KIF1C: variants seen among roughly 807,000 people sequenced by gnomAD.
The protein encoded by KIF1C is kinesin-like protein KIF1C.
In KIF1C, 61 loss-of-function variants were observed where a neutral mutation model predicts 126.5. The ratio of observed to expected loss-of-function variants is 0.48; its 90% CI spans 0.39 to 0.60. The LOEUF (loss-of-function observed/expected upper bound fraction) is 0.60, where lower values mean the gene tolerates loss of function less well. Among genes scored for constraint, KIF1C ranks in the 20% least tolerant of loss-of-function variants. The pLI, the probability that KIF1C is intolerant of heterozygous loss-of-function variation, is 0.00. For missense variants in KIF1C, 1,315 were observed against 1,489.2 expected (o/e 0.88, Z 1.93); for synonymous variants, 640 against 580.6 (o/e 1.10, Z -1.47).
chr17:5,006,311 A>G (rs1450596278), intron 13 of KIF1C, among the ~76,000 whole-genome samples: 1 of 151,406 alleles, frequency 6.6e-6, no homozygotes, highest in African/African-American at 2.4e-5. Flanking sequence ...CTGGGATTAT[A>G]GGTATGAGCC....
Position 5,024,698 on chromosome 17 carries a change from CA to C in KIF1C, c.*548del, listed in dbSNP as rs1217745000. On this transcript the variant is annotated 3_prime_UTR_variant, in exon 23 of 23. Coordinates refer to ENST00000320785, the MANE Select transcript of KIF1C (RefSeq NM_006612.6). The stretch of plus-strand genomic sequence containing the variant: ...GGGCCCTTTAATAAAGGATAGCAAA[CA>C]GGGAGCTTGTGGCCTGTTTGTTTTG... The C allele has an allele frequency of 6.5e-6, 1 of 153,570 alleles. No homozygotes were observed. The highest frequency in any genetic ancestry group is 1.5e-5 in the Non-Finnish European group (1 of 68,720). 9.5% of individuals were successfully genotyped at this position (153,570 alleles called of 1,614,324 possible). A position where few individuals can be genotyped will look rare whatever the true frequency, so the allele number is the denominator to read the frequency against.
At chr17:5,004,450 C>A in intron 11 of KIF1C, 117 bp from the exon 12 acceptor site, 1 of 924,862 alleles carries the variant, frequency 1.1e-6, no homozygotes, top group Non-Finnish European at 1.7e-6. Flanking sequence ...ACTCCCCTAC[C>A]TCAGACCATG....
In KIF1C at chr17:5,022,061, C is replaced by G. The variant is rs752289584; in HGVS notation, c.2011-31C>G. On this transcript the variant is annotated intron_variant, in intron 21 of 22. Coordinates refer to ENST00000320785, the MANE Select transcript of KIF1C (RefSeq NM_006612.6). This position sits in a 1 kb window ranked among gnomAD's most constrained non-coding sequence, Gnocchi z 4.9. ...CACATGGGCTCTGGATGTCCTTAGC[C>G]CTCTCTTCCTCTTTCTTTCTCTGGC... 2 of 1,568,268 alleles carry G rather than the reference C, an allele frequency of 1.3e-6. No homozygotes were observed. Among genetic ancestry groups the G allele is most frequent in the Non-Finnish European group, 1.7e-6 (2 of 1,155,096 alleles).
chr17:5,003,586 C>G (rs1056601493), intron 8 of KIF1C, 26 bp from the exon 9 acceptor site: 2 of 1,577,514 alleles, frequency 1.3e-6, no homozygotes, highest in Non-Finnish European at 1.7e-6. Flanking sequence ...CGCACCTTAT[C>G]TCCTGCCTGT....
At chr17:5,002,931 C>T (rs2143314979) in intron 8 of KIF1C, 89 bp downstream of exon 8, 2 of 1,062,798 alleles carry the variant, frequency 1.9e-6, no homozygotes, top group East Asian at 2.5e-5. Flanking sequence ...CTTGGGCCCT[C>T]CCTGCCCATG....
chr17:4,998,248 G>A (rs2143292187), intron 1 of KIF1C, 92 bp downstream of exon 1: 1 of 152,672 alleles, frequency 6.5e-6, no homozygotes, highest in South Asian at 2.1e-4. Context: ...GCGCGATCTA[G>A]GCTCAAGAGT....
chr17:5,023,761 C>G lies in KIF1C; in HGVS notation c.2922C>G (p.Asp974Glu), dbSNP rs1975145327. 6.6e-7 allele frequency: 1 copy of G among 1,523,416 alleles called. No individual in the cohort carries two copies. Among genetic ancestry groups the G allele is most frequent in the African/African-American group, 1.4e-5 (1 of 71,800 alleles). The allele number at this position is 1,523,416 out of a possible 1,614,324, so 94.4% of individuals were successfully genotyped here. The change falls in exon 23 of 23, where the codon GAC (aspartate) becomes GAG (glutamate). Residue 974 changes from aspartate to glutamate, a missense_variant. Asp to Glu is a conservative substitution (Grantham distance 45, BLOSUM62 2). This residue lies in a region of KIF1C where 441 missense variants were observed against 436.1 expected (regional missense o/e 1.01). Transcript: ENST00000320785. This position sits in a 1 kb window ranked among gnomAD's most constrained non-coding sequence, Gnocchi z 4.2. Reference protein sequence around the residue: ...RPPARFVPPHDCKLRFPFKSN... With the variant: ...RPPARFVPPHECKLRFPFKSN... Reference sequence around the variant, plus strand: ...CAGCCCGCTTTGTGCCCCCTCACGACTGCAAGCTACGCTTCCCCTTCAAGA... The same window carrying G: ...CAGCCCGCTTTGTGCCCCCTCACGAGTGCAAGCTACGCTTCCCCTTCAAGA...
Position 5,020,414 on chromosome 17 carries a change from A to G in KIF1C, c.1751-78A>G, listed in dbSNP as rs1975063454. The G allele has an allele frequency of 2.1e-6, 3 of 1,413,950 alleles. No homozygotes were observed. The highest frequency in any genetic ancestry group is 2.9e-6 in the Non-Finnish European group (3 of 1,038,114). 87.6% of individuals were successfully genotyped at this position (1,413,950 alleles called of 1,614,324 possible). A position where few individuals can be genotyped will look rare whatever the true frequency, so the allele number is the denominator to read the frequency against. On this transcript the variant is annotated intron_variant, in intron 19 of 22. Transcript: ENST00000320785. The surrounding 1 kb of genome is among the most constrained non-coding windows in gnomAD (Gnocchi z 5.8). Reference sequence around the variant, plus strand: ...GAGGGTGTCACAGCCCCTGTGCCAGATTCTCTATGCCTTGGGTGTAGGGAT... The same window carrying G: ...GAGGGTGTCACAGCCCCTGTGCCAGGTTCTCTATGCCTTGGGTGTAGGGAT...
intron 18 of KIF1C, among the ~76,000 whole-genome samples, chr17:5,018,102 T>C (rs112564094): frequency 0.11 from 16,372 of 152,032 alleles, 983 homozygotes; most frequent in Middle Eastern, 0.15. Context: ...CACCTCAGCC[T>C]CCTGAGTAGC....
chr17:5,024,181 G>A lies in KIF1C; in HGVS notation c.*30G>A. On this transcript the variant is annotated 3_prime_UTR_variant, in exon 23 of 23. Coordinates refer to ENST00000320785, the MANE Select transcript of KIF1C (RefSeq NM_006612.6). ...CACATCCTGGGCAGAGGGCCTGGTG[G>A]GGCCCCTTGCTAGGAGAAGGGAAGA... is the stretch of plus-strand genomic sequence containing the variant. 1 of 1,520,186 alleles carries A rather than the reference G, an allele frequency of 6.6e-7. No homozygotes were observed. Among genetic ancestry groups the A allele is most frequent in the South Asian group, 1.2e-5 (1 of 83,082 alleles). The allele number at this position is 1,520,186 out of a possible 1,614,324, so 94.2% of individuals were successfully genotyped here.
At chr17:5,007,581 C>T in intron 16 of KIF1C, 39 bp downstream of exon 16, 2 of 1,491,158 alleles carry the variant, frequency 1.3e-6, no homozygotes, top group Non-Finnish European at 1.8e-6. Flanking sequence ...AGAGAGCTCT[C>T]TGGATGCCTA....
At chr17:5,000,890 A>AT (rs777493021) in intron 4 of KIF1C, 42 bp downstream of exon 4, 2 of 1,577,010 alleles carry the variant, frequency 1.3e-6, no homozygotes, top group East Asian at 4.5e-5. Context: ...AGTGAGAGAC[A>AT]GAGGATTTAG....
intron 13 of KIF1C, among the ~76,000 whole-genome samples, chr17:5,006,567 C>A (rs1222339234): frequency 2.0e-5 from 3 of 152,108 alleles, no homozygotes; most frequent in Non-Finnish European, 4.4e-5. Flanking sequence ...AACTCCTGAC[C>A]TCAGGTGATC....
intron 16 of KIF1C, among the ~76,000 whole-genome samples, chr17:5,007,902 G>C (rs1182164028): frequency 6.6e-6 from 1 of 152,222 alleles, no homozygotes; most frequent in Non-Finnish European, 1.5e-5. Flanking sequence ...CAAGACTAAA[G>C]GGAATAGAGG....
chr17:5,022,473 G>T lies in KIF1C; in HGVS notation c.2392G>T (p.Ala798Ser). The change falls in exon 22 of 23, where the codon GCT becomes TCT. Residue 798 changes from alanine to serine, a missense_variant. Physicochemically the swap from Ala to Ser is moderately conservative, Grantham distance 99. Transcript: ENST00000320785. This position sits in a 1 kb window ranked among gnomAD's most constrained non-coding sequence, Gnocchi z 4.9. ...AGACGGCCCCGGAGACGCCTGGAGG[G>T]CTGTGGCCCGGGATGTCTGGGACAC... The part of the protein sequence containing the change: ...KPDGPGDAWR[A>S]VARDVWDTVG... 6.3e-7 allele frequency: 1 copy of T among 1,586,430 alleles called. No individual in the cohort carries two copies. Among genetic ancestry groups the T allele is most frequent in the Non-Finnish European group, 8.6e-7 (1 of 1,165,096 alleles).
rs1202209298 is a variant in KIF1C at position 5,023,964 on chromosome 17, G to C, written c.3125G>C (p.Gly1042Ala). 6.3e-7 allele frequency: 1 copy of C among 1,580,506 alleles called. No homozygotes were observed. Among genetic ancestry groups the C allele is most frequent in the African/African-American group, 1.4e-5 (1 of 73,684 alleles). ...NSLDGGGRSR[G>A]AGSAQPEPQH... The stretch of plus-strand genomic sequence containing the variant: ...CTGGATGGAGGGGGCCGATCCCGGG[G>C]AGCGGGTTCTGCACAGCCTGAACCC... The change falls in exon 23 of 23, where the codon GGA (glycine) becomes GCA (alanine). Residue 1042 changes from glycine (G) to alanine (A), a missense_variant. By Grantham distance (60) the Gly-to-Ala change is moderately conservative. Coordinates refer to ENST00000320785, the MANE Select transcript of KIF1C (RefSeq NM_006612.6). This position sits in a 1 kb window ranked among gnomAD's most constrained non-coding sequence, Gnocchi z 4.2.
chr17:5,024,183 G>T lies in KIF1C; in HGVS notation c.*32G>T. On this transcript the variant is annotated 3_prime_UTR_variant, in exon 23 of 23. Transcript: ENST00000320785. ...CATCCTGGGCAGAGGGCCTGGTGGG[G>T]CCCCTTGCTAGGAGAAGGGAAGACG... 4 of 1,514,846 alleles carry T rather than the reference G, an allele frequency of 2.6e-6. No homozygotes were observed. Among genetic ancestry groups the T allele is most frequent in the Non-Finnish European group, 3.6e-6 (4 of 1,115,266 alleles). 93.8% of individuals were successfully genotyped at this position (1,514,846 alleles called of 1,614,324 possible).
At position 5,022,201 on chromosome 17, in the gene KIF1C, T is replaced by C. The variant is rs946593293; in HGVS notation, c.2120T>C (p.Ile707Thr). ...EQLPPTTVQT[I>T]VKRCGLPSSG... is the part of the protein sequence containing the mutation. ...CTGCCGCCCACCACGGTCCAGACCA[T>C]TGTCAAACGCTGTGGTCTGCCCAGC... The change falls in exon 22 of 23, where the codon ATT (isoleucine) becomes ACT (threonine). Residue 707 changes from isoleucine (I) to threonine (T), a missense_variant. Physicochemically the swap from Ile to Thr is moderately conservative, Grantham distance 89. Coordinates refer to ENST00000320785, the MANE Select transcript of KIF1C (RefSeq NM_006612.6). The surrounding 1 kb of genome is among the most constrained non-coding windows in gnomAD (Gnocchi z 4.9). The C allele has an allele frequency of 1.9e-6, 3 of 1,614,022 alleles. No homozygotes were observed. The highest frequency in any genetic ancestry group is 2.5e-6 in the Non-Finnish European group (3 of 1,180,042).
Position 5,020,924 on chromosome 17 carries a change from C to T in KIF1C, c.2010+46C>T, listed in dbSNP as rs1044891694. ...GGGATGGGCTGATGGGCAGATGAGC[C>T]GCAAGCCTGAGTCCGAGTGCAGTGC... On this transcript the variant is annotated intron_variant, in intron 21 of 22. Transcript: ENST00000320785. The surrounding 1 kb of genome is among the most constrained non-coding windows in gnomAD (Gnocchi z 5.8). 8.6e-6 allele frequency: 13 copies of T among 1,517,488 alleles called. No homozygotes were observed. Among genetic ancestry groups the T allele is most frequent in the African/African-American group, 2.8e-5 (2 of 72,526 alleles). 94.0% of individuals were successfully genotyped at this position (1,517,488 alleles called of 1,614,324 possible).
Sources: allele counts gnomAD v4.1 joint callset (sites outside exome capture counted in the v4.1 genomes callset), GRCh38; gene constraint gnomAD v4.1.1; regional missense constraint gnomAD v4.1.1; non-coding constraint Gnocchi (gnomAD v3.1); transcripts MANE v1.5; gene names NCBI Gene and HGNC (gene_info 2026-07-23, HGNC 2026-07-21).